CRTC3: variants seen among roughly 807,000 people sequenced by gnomAD.
CRTC3 encodes CREB regulated transcription coactivator 3, also known as CREB-regulated transcription coactivator 3.
A neutral mutation model predicts 74.5 loss-of-function variants in CRTC3; 26 were observed. The observed-to-expected ratio is 0.35, with a 90% confidence interval of 0.26 to 0.48. The LOEUF (loss-of-function observed/expected upper bound fraction) is 0.48. Ranked by LOEUF, CRTC3 falls within the 20% of genes least tolerant of loss-of-function variation. CRTC3 has a pLI of 0.99. For missense variants in CRTC3, 760 were observed against 787.3 expected (o/e 0.97, Z 0.41); for synonymous variants, 377 against 325.8 (o/e 1.16, Z -1.69).
At chr15:90,562,060 C>CT (rs1303359649) in intron 2 of CRTC3, among the ~76,000 whole-genome samples, 5 of 152,198 alleles carry the variant, frequency 3.3e-5, no homozygotes, top group Admixed American at 3.3e-4. Flanking sequence ...TGTCTTAGCT[C>CT]TTTTCTGTCT....
In CRTC3 at chr15:90,644,992, T is replaced by A. The variant is rs1969574599; in HGVS notation, c.*2852T>A. 4.3e-6 allele frequency: 1 copy of A among 232,168 alleles called. No homozygotes were observed. Among genetic ancestry groups the A allele is most frequent in the Admixed American group, 5.6e-5 (1 of 17,758 alleles). The allele number at this position is 232,168 out of a possible 1,614,324, so 14.4% of individuals were successfully genotyped here. ...TAGGAGAAGGGGTTTCTTGATCATG[T>A]CATGAATTCTCCTTTGTCCTGTTTC... On this transcript the variant is annotated 3_prime_UTR_variant, in exon 15 of 15. Coordinates refer to ENST00000268184, the MANE Select transcript of CRTC3 (RefSeq NM_022769.5).
At chr15:90,635,036 T>C in intron 11 of CRTC3, 1 of 1,054,358 alleles carries the variant, frequency 9.5e-7, no homozygotes, top group Non-Finnish European at 1.5e-6. Context: ...TAGACTGAAA[T>C]AAGTCACTAC....
Position 90,626,131 on chromosome 15 carries a change from G to T in CRTC3, c.967+138G>T, listed in dbSNP as rs1037977130. 1.3e-4 allele frequency: 96 copies of T among 712,774 alleles called. No individual in the cohort carries two copies. The African/African-American group carries it at 1.6e-3, about 12-fold the overall frequency. 44.2% of individuals were successfully genotyped at this position (712,774 alleles called of 1,614,324 possible). On this transcript the variant is annotated intron_variant, in intron 10 of 14. Coordinates refer to ENST00000268184, the MANE Select transcript of CRTC3 (RefSeq NM_022769.5). ...GATAATGTACCTTCTTGTATCTCCT[G>T]ACCCTGCGGACATTTTTCTTGGATG...
At chr15:90,626,553 T>C (rs1475630723) in intron 10 of CRTC3, among the ~76,000 whole-genome samples, 2 of 152,116 alleles carry the variant, frequency 1.3e-5, no homozygotes, top group African/African-American at 4.8e-5. Flanking sequence ...CTGGGTTTGA[T>C]TGTCCACAGC....
intron 2 of CRTC3, among the ~76,000 whole-genome samples, chr15:90,554,831 C>G (rs556991756): frequency 1.3e-5 from 2 of 152,338 alleles, no homozygotes; most frequent in African/African-American, 4.8e-5. Flanking sequence ...GAGTGTTGTA[C>G]TCCACTATGG....
rs1596158623 is a variant in CRTC3, at chr15:90,642,816, G to A, written c.*676G>A. 4.3e-6 allele frequency: 1 copy of A among 232,838 alleles called. No individual in the cohort carries two copies. The allele number at this position is 232,838 out of a possible 1,614,324, so 14.4% of individuals were successfully genotyped here. On this transcript the variant is annotated 3_prime_UTR_variant, in exon 15 of 15. Transcript: ENST00000268184. ...CTTTTCCTTATGGACCAGAGGAAGA[G>A]GAAGACCATTTTATCAGTCACTGAA...
chr15:90,581,248 T>C (rs2151073389), intron 2 of CRTC3, among the ~76,000 whole-genome samples: 1 of 152,314 alleles, frequency 6.6e-6, no homozygotes, highest in South Asian at 2.1e-4. Context: ...TGTCTTTTCA[T>C]GAGCTAGTGG....
intron 13 of CRTC3, 33 bp downstream of exon 13, chr15:90,638,848 G>C: frequency 6.5e-7 from 1 of 1,541,076 alleles, no homozygotes; most frequent in Non-Finnish European, 9.0e-7. Flanking sequence ...TCCTCCCTTG[G>C]TGCATAAACT....
chr15:90,618,219 A>AC (rs1324326691), intron 8 of CRTC3: 29 of 261,988 alleles, frequency 1.1e-4, no homozygotes, highest in Non-Finnish European at 2.0e-4. Context: ...AAAAAAAAAA[A>AC]AAACCCTGCT....
intron 8 of CRTC3, chr15:90,618,171 C>T: frequency 7.1e-6 from 2 of 283,426 alleles, no homozygotes; most frequent in Non-Finnish European, 6.4e-6. Flanking sequence ...ACATTGATCT[C>T]TTGGCTTACT....
intron 1 of CRTC3, among the ~76,000 whole-genome samples, chr15:90,537,323 C>T (rs1240705433): frequency 2.6e-5 from 4 of 152,346 alleles, no homozygotes; most frequent in Admixed American, 6.5e-5. Context: ...CAGGAGGCGT[C>T]AGAGTTGTTT....
At chr15:90,560,713 T>A (rs1435753147) in intron 2 of CRTC3, among the ~76,000 whole-genome samples, 10 of 152,208 alleles carry the variant, frequency 6.6e-5, no homozygotes, top group Admixed American at 6.5e-4. Context: ...AGCGCCCAGA[T>A]GCTGCCTGCT....
In CRTC3 at chr15:90,617,886, C is replaced by G; in HGVS notation, c.617C>G (p.Ala206Gly). The change falls in exon 8 of 15, where the codon GCA (alanine) becomes GGA (glycine). Residue 206 changes from alanine to glycine, a missense_variant. This residue lies in a region of CRTC3 where 652 missense variants were observed against 635.2 expected (regional missense o/e 1.03). Coordinates refer to ENST00000268184, the MANE Select transcript of CRTC3 (RefSeq NM_022769.5). The part of the protein sequence containing the change: ...DGENNGHGEV[A>G]SFPGPLKEEN... ...GCTGCTTTTTTTTTCCCTTTAGTAG[C>G]ATCTTTCCCTGGCCCATTGAAAGAA... 1 of 1,609,018 alleles carries G rather than the reference C, an allele frequency of 6.2e-7. No homozygotes were observed. Among genetic ancestry groups the G allele is most frequent in the East Asian group, 2.2e-5 (1 of 44,840 alleles).
chr15:90,639,616 A>T (rs1364151199), intron 13 of CRTC3, among the ~76,000 whole-genome samples: 1 of 151,242 alleles, frequency 6.6e-6, no homozygotes, highest in East Asian at 2.0e-4. Context: ...CACCTGGCTA[A>T]ATTTTATATT....
chr15:90,616,130 G>A (rs775696133), intron 7 of CRTC3, among the ~76,000 whole-genome samples: 37 of 152,030 alleles, frequency 2.4e-4, no homozygotes, highest in Non-Finnish European at 4.9e-4. Flanking sequence ...AACATTTGAA[G>A]AAAAGAGAAT....
chr15:90,545,855 G>A (rs1966843470), intron 2 of CRTC3, among the ~76,000 whole-genome samples: 1 of 152,238 alleles, frequency 6.6e-6, no homozygotes, highest in Non-Finnish European at 1.5e-5. Flanking sequence ...TGGGATTACA[G>A]GCGTGAGCCA....
intron 7 of CRTC3, among the ~76,000 whole-genome samples, chr15:90,615,699 A>G (rs548116278): frequency 6.6e-6 from 1 of 152,348 alleles, no homozygotes; most frequent in African/African-American, 2.4e-5. Context: ...AACAGTCCCC[A>G]TTAAGGCACT....
chr15:90,573,364 GCTCTAA>G (rs1346708945), intron 2 of CRTC3, among the ~76,000 whole-genome samples: 2 of 152,114 alleles, frequency 1.3e-5, no homozygotes, highest in Non-Finnish European at 2.9e-5. Flanking sequence ...GGAGTTTTAT[GCTCTAA>G]TTTGTATGAG....
chr15:90,635,319 T>TTC (rs1472571305), intron 11 of CRTC3, among the ~76,000 whole-genome samples: 1 of 152,220 alleles, frequency 6.6e-6, no homozygotes, highest in Admixed American at 6.5e-5. Flanking sequence ...GCTTGGTCAT[T>TTC]TCCTTGGGAA....
Sources: allele counts gnomAD v4.1 joint callset (sites outside exome capture counted in the v4.1 genomes callset), GRCh38; gene constraint gnomAD v4.1.1; regional missense constraint gnomAD v4.1.1; transcripts MANE v1.5; gene names NCBI Gene and HGNC (gene_info 2026-07-23, HGNC 2026-07-21).